ARHGAP25: variants seen among roughly 807,000 people sequenced by gnomAD.
ARHGAP25 encodes the protein rho GTPase-activating protein 25.
Under a neutral mutation model 71.0 loss-of-function variants are expected in ARHGAP25, and 34 were observed. That is an observed-to-expected ratio of 0.48 (90% CI 0.36 to 0.64). The LOEUF (loss-of-function observed/expected upper bound fraction) is 0.64. Ranked by LOEUF, ARHGAP25 falls within the 30% of genes least tolerant of loss-of-function variation. ARHGAP25 has a pLI of 0.00. For synonymous variants in ARHGAP25, 282 were observed against 296.5 expected (o/e 0.95, Z 0.50); for missense variants, 706 against 805.1 (o/e 0.88, Z 1.49).
At chr2:68,753,323 G>A (rs1351670098) in intron 1 of ARHGAP25, among the ~76,000 whole-genome samples, 1 of 152,198 alleles carries the variant, frequency 6.6e-6, no homozygotes, top group Non-Finnish European at 1.5e-5. Flanking sequence ...TGGGTTTTCT[G>A]CTACTTTCCA....
At position 68,753,498 on chromosome 2, in the gene ARHGAP25, G is replaced by T. The variant is rs575288039; in HGVS notation, c.61+18238G>T. ...AATAAATAATGTGGGTGGGGATCAT[G>T]GTAGGGCTTTCTTCACAGGAAGTTG... On this transcript the variant is annotated intron_variant, in intron 1 of 10. Transcript: ENST00000409202. 3.1e-3 allele frequency among the ~76,000 whole-genome samples: 478 copies of T among 152,330 alleles called. 3 individuals are homozygous for T. Among genetic ancestry groups the T allele is most frequent in the African/African-American group, 0.011 (450 of 41,570 alleles).
At chr2:68,752,783 C>A (rs1309532613) in intron 1 of ARHGAP25, among the ~76,000 whole-genome samples, 1 of 152,024 alleles carries the variant, frequency 6.6e-6, no homozygotes, top group Non-Finnish European at 1.5e-5. Flanking sequence ...TGATTTCCAA[C>A]CCCCCAAATT....
chr2:68,824,610 T>C (rs992655025), intron 10 of ARHGAP25, among the ~76,000 whole-genome samples: 2 of 152,036 alleles, frequency 1.3e-5, no homozygotes, highest in Non-Finnish European at 1.5e-5. Context: ...GGCATGATGG[T>C]GGGTGCCTGT....
intron 1 of ARHGAP25, among the ~76,000 whole-genome samples, chr2:68,741,560 T>A (rs1675524025): frequency 6.6e-6 from 1 of 152,164 alleles, no homozygotes; most frequent in Non-Finnish European, 1.5e-5. Flanking sequence ...ATTTCCATAC[T>A]TTAAAAAATG....
At chr2:68,785,894 G>A (rs1678728392) in intron 3 of ARHGAP25, among the ~76,000 whole-genome samples, 1 of 152,186 alleles carries the variant, frequency 6.6e-6, no homozygotes, top group African/African-American at 2.4e-5. Flanking sequence ...GGTCAGAGGT[G>A]CTGTTCGTGA....
At chr2:68,805,648 G>T (rs909712099) in intron 4 of ARHGAP25, among the ~76,000 whole-genome samples, 1 of 152,104 alleles carries the variant, frequency 6.6e-6, no homozygotes, top group Non-Finnish European at 1.5e-5. Context: ...AGACTGTAGC[G>T]GTTACAGGTG....
At chr2:68,713,458 A>G (rs1674535850) in intron 2 of ARHGAP25, among the ~76,000 whole-genome samples, 1 of 152,188 alleles carries the variant, frequency 6.6e-6, no homozygotes, top group Admixed American at 6.5e-5. Flanking sequence ...AACAGAGACA[A>G]TTTGACTTCC....
chr2:68,743,751 G>C (rs576894016), intron 1 of ARHGAP25, among the ~76,000 whole-genome samples: 2 of 152,016 alleles, frequency 1.3e-5, no homozygotes, highest in African/African-American at 2.4e-5. Flanking sequence ...TCCTGTGAGC[G>C]TTCCTCATTC....
upstream of ARHGAP25, among the ~76,000 whole-genome samples, chr2:68,732,140 C>T (rs985506653): frequency 6.6e-6 from 1 of 152,156 alleles, no homozygotes; most frequent in Non-Finnish European, 1.5e-5. Context: ...AGAGAGGGAG[C>T]GCAGTACCCA....
chr2:68,808,501 G>C (rs1680539687), intron 5 of ARHGAP25, among the ~76,000 whole-genome samples: 2 of 152,148 alleles, frequency 1.3e-5, no homozygotes, highest in South Asian at 4.1e-4. Flanking sequence ...CACAGTTGTA[G>C]TTTGGACAAC....
chr2:68,730,394 C>T (rs548087850), upstream of ARHGAP25, among the ~76,000 whole-genome samples: 3 of 152,162 alleles, frequency 2.0e-5, no homozygotes, highest in African/African-American at 7.2e-5. Flanking sequence ...TCTGTAATCT[C>T]AGCACTTTGG....
At position 68,735,114 on chromosome 2, in the gene ARHGAP25, C is replaced by A; in HGVS notation, c.-86C>A. On this transcript the variant is annotated 5_prime_UTR_variant, in exon 1 of 11. Transcript: ENST00000409202. Reference sequence around the variant, plus strand: ...GGAGGAACAAAAACAGACACAAAAACAGAGGGAAAGAGTGAAAAGACAAGA... The same window carrying A: ...GGAGGAACAAAAACAGACACAAAAAAAGAGGGAAAGAGTGAAAAGACAAGA... 8.6e-7 allele frequency: 1 copy of A among 1,165,914 alleles called. No homozygotes were observed. The highest frequency in any genetic ancestry group is 1.3e-6 in the Non-Finnish European group (1 of 772,300). The allele number at this position is 1,165,914 out of a possible 1,614,324, so 72.2% of individuals were successfully genotyped here. A position where few individuals can be genotyped will look rare whatever the true frequency, so the allele number is the denominator to read the frequency against.
intron 1 of ARHGAP25, among the ~76,000 whole-genome samples, chr2:68,753,891 T>G (rs2104322990): frequency 6.7e-6 from 1 of 149,836 alleles, no homozygotes; most frequent in South Asian, 2.1e-4. Context: ...TAAATGGTCA[T>G]TCGGTAAGAT....
chr2:68,818,037 C>T, intron 8 of ARHGAP25, 43 bp downstream of exon 8: 1 of 1,609,274 alleles, frequency 6.2e-7, no homozygotes, highest in Non-Finnish European at 8.5e-7. Flanking sequence ...CAGGAAATAA[C>T]AATTACAACA....
chr2:68,746,246 A>G (rs1416303368), intron 1 of ARHGAP25, among the ~76,000 whole-genome samples: 1 of 152,204 alleles, frequency 6.6e-6, no homozygotes, highest in Admixed American at 6.5e-5. Flanking sequence ...ATGTACAACT[A>G]AGTGAGAATT....
At chr2:68,819,030 A>G (rs1681440579) in intron 8 of ARHGAP25, 93 bp from the exon 9 acceptor site, 1 of 1,158,292 alleles carries the variant, frequency 8.6e-7, no homozygotes, top group Admixed American at 2.4e-5. Flanking sequence ...TAGTTTTAGA[A>G]CCGAGTTTGG....
intron 2 of ARHGAP25, among the ~76,000 whole-genome samples, chr2:68,715,292 C>T (rs935914679): frequency 1.3e-5 from 2 of 152,156 alleles, no homozygotes; most frequent in African/African-American, 4.8e-5. Flanking sequence ...TTGGAGGTGG[C>T]GCCCAGCAAC....
chr2:68,795,774 C>T (rs148674031), intron 4 of ARHGAP25, among the ~76,000 whole-genome samples: 111 of 152,238 alleles, frequency 7.3e-4, no homozygotes, highest in African/African-American at 2.6e-3. Flanking sequence ...AAAGTCTATT[C>T]ATCCCATTTG....
At chr2:68,793,119 G>T (rs981961839) in intron 4 of ARHGAP25, among the ~76,000 whole-genome samples, 10 of 152,098 alleles carry the variant, frequency 6.6e-5, no homozygotes, top group Admixed American at 5.2e-4. Context: ...TTTTAATGGG[G>T]TTATTTTGTT....
Sources: gnomAD v4.1 joint callset for allele counts (sites outside exome capture counted in the v4.1 genomes callset) on GRCh38, gnomAD v4.1.1 for gene constraint, MANE v1.5 for transcripts, NCBI Gene and HGNC (gene_info 2026-07-23, HGNC 2026-07-21) for gene names.